Variants in UBXN2A observed in about 807,000 individuals in gnomAD.
UBXN2A encodes the protein UBX domain protein 2A.
Under a neutral mutation model 28.4 loss-of-function variants are expected in UBXN2A, and 28 were observed. The ratio of observed to expected loss-of-function variants is 0.99; its 90% CI spans 0.73 to 1.35. The LOEUF is 1.35. UBXN2A is among the 40% of genes most tolerant of loss of function. UBXN2A has a pLI of 0.00. For synonymous variants in UBXN2A, 97 were observed against 103.6 expected, an observed-to-expected ratio of 0.94 and a Z score of 0.39; for missense variants, 253 against 297.9, an observed-to-expected ratio of 0.85 and a Z score of 1.11.
intron 1 of UBXN2A, chr2:23,944,288 A>G (rs1346734446): frequency 1.2e-6 from 2 of 1,605,062 alleles, no homozygotes; most frequent in African/African-American, 2.7e-5. Flanking sequence ...TTCCCCAGCT[A>G]TACCAGTCTG....
Position 23,999,938 on chromosome 2 carries a change from G to A in UBXN2A, c.*71G>A. ...AAGTGGACATGCAAACCAAAATTGG[G>A]GATTGGAGAAGTCAGACTCACTAGA... On this transcript the variant is annotated 3_prime_UTR_variant, in exon 7 of 7. Transcript: ENST00000309033. 1 of 1,513,560 alleles carries A rather than the reference G, an allele frequency of 6.6e-7. No individual in the cohort carries two copies. The allele number at this position is 1,513,560 out of a possible 1,614,324, so 93.8% of individuals were successfully genotyped here. A position where few individuals can be genotyped will look rare whatever the true frequency, so the allele number is the denominator to read the frequency against.
At chr2:23,999,409 C>T (rs184524551) in intron 6 of UBXN2A, among the ~76,000 whole-genome samples, 167 of 152,192 alleles carry the variant, frequency 1.1e-3, no homozygotes, top group Admixed American at 3.6e-3. Context: ...ATCATAAATT[C>T]AGTTATTCTA....
At chr2:23,992,661 T>TTA (rs1708395723) in intron 6 of UBXN2A, among the ~76,000 whole-genome samples, 3 of 152,224 alleles carry the variant, frequency 2.0e-5, no homozygotes, top group Non-Finnish European at 1.5e-5. Context: ...GTGCCATATT[T>TTA]TAGGGTAGCA....
At chr2:23,986,946 T>C (rs1394094158) in intron 6 of UBXN2A, among the ~76,000 whole-genome samples, 1 of 151,936 alleles carries the variant, frequency 6.6e-6, no homozygotes, top group African/African-American at 2.4e-5. Flanking sequence ...TCGTGGCTCA[T>C]TCTTGTAGTC....
chr2:23,980,464 T>A (rs577144561), intron 4 of UBXN2A, among the ~76,000 whole-genome samples: 1 of 152,316 alleles, frequency 6.6e-6, no homozygotes, highest in Admixed American at 6.5e-5. Context: ...TTTTTTAAAT[T>A]ATAGCCATTT....
At chr2:23,958,221 T>C (rs1426056388) in intron 1 of UBXN2A, 80 bp from the exon 2 acceptor site, 20 of 1,067,356 alleles carry the variant, frequency 1.9e-5, no homozygotes, top group Non-Finnish European at 2.5e-5. Flanking sequence ...TTTTAAGTAA[T>C]ACTTTAGGAC....
intron 4 of UBXN2A, 108 bp from the exon 5 acceptor site, chr2:23,982,786 TTA>T (rs1320975703): frequency 1.1e-5 from 13 of 1,136,380 alleles, no homozygotes; most frequent in African/African-American, 1.6e-5. Flanking sequence ...GTATAGAATA[TTA>T]TATATTTCTG....
rs538579457 is a variant in UBXN2A at position 23,927,834 on chromosome 2, A to G, written c.-138+219A>G. ...TGAACCCACAGATAAAGCATTTGCA[A>G]TTTAACTTCCAAAGAAAAAAAAATT... On this transcript the variant is annotated intron_variant, in intron 1 of 7. Coordinates refer to the UBXN2A transcript ENST00000404924. Among the ~76,000 whole-genome samples the G allele has an allele frequency of 2.6e-5, 4 of 152,310 alleles. No homozygotes were observed. The East Asian group carries it at 5.8e-4, about 22-fold the overall frequency.
At chr2:23,944,708 G>A (rs972842039) in intron 1 of UBXN2A, among the ~76,000 whole-genome samples, 6 of 152,156 alleles carry the variant, frequency 3.9e-5, no homozygotes, top group Admixed American at 2.0e-4. Context: ...CCAGCTCTGT[G>A]GCTTCTGCCC....
intron 6 of UBXN2A, among the ~76,000 whole-genome samples, chr2:23,985,587 A>G (rs1194161378): frequency 7.0e-6 from 1 of 143,816 alleles, no homozygotes; most frequent in Non-Finnish European, 1.5e-5. Flanking sequence ...CTCTAAACAT[A>G]ATTATGTCTA....
chr2:23,995,139 C>T (rs1708480661), intron 6 of UBXN2A, among the ~76,000 whole-genome samples: 2 of 152,076 alleles, frequency 1.3e-5, no homozygotes, highest in South Asian at 2.1e-4. Flanking sequence ...GGTCACGTTT[C>T]TTTATGGGTC....
At chr2:23,933,132 A>G (rs1228360819) in intron 1 of UBXN2A, among the ~76,000 whole-genome samples, 1 of 152,036 alleles carries the variant, frequency 6.6e-6, no homozygotes, top group African/African-American at 2.4e-5. Flanking sequence ...TTAAATTAAA[A>G]AATAAAGGAG....
intron 1 of UBXN2A, among the ~76,000 whole-genome samples, chr2:23,929,867 C>T (rs904678924): frequency 1.3e-5 from 2 of 152,070 alleles, no homozygotes; most frequent in Non-Finnish European, 2.9e-5. Flanking sequence ...ATAACCTATA[C>T]CATTTACTAT....
intron 1 of UBXN2A, chr2:23,943,740 C>T (rs1364890762): frequency 1.0e-5 from 2 of 199,770 alleles, no homozygotes; most frequent in Non-Finnish European, 2.1e-5. Flanking sequence ...ATCTGCCCGT[C>T]TTGGCCTCCC....
At chr2:23,988,398 G>A (rs373067221) in intron 6 of UBXN2A, among the ~76,000 whole-genome samples, 23 of 152,224 alleles carry the variant, frequency 1.5e-4, no homozygotes, top group East Asian at 1.2e-3. Flanking sequence ...CTTAGTTGTC[G>A]TATCTCAGTT....
chr2:23,999,738 G>A lies in UBXN2A; in HGVS notation c.651G>A (p.Leu217=). The A allele has an allele frequency of 6.2e-7, 1 of 1,614,088 alleles. No individual in the cohort carries two copies. Among genetic ancestry groups the A allele is most frequent in the Non-Finnish European group, 8.5e-7 (1 of 1,180,034 alleles). The change falls in exon 7 of 7, where the codon CTG becomes CTA. Residue 217 remains leucine, a synonymous_variant. Coordinates refer to ENST00000309033, the MANE Select transcript of UBXN2A (RefSeq NM_181713.4). ...CTCAAAGAAGTCCTCCGTTTTCCCT[G>A]GCAACAGCTCTTCCTGTCCTCAGGT... ...QGSQRSPPFS[L]ATALPVLRLL...
chr2:23,946,887 A>ATTT (rs34433205), intron 1 of UBXN2A, among the ~76,000 whole-genome samples: 2 of 131,678 alleles, frequency 1.5e-5, no homozygotes, highest in Non-Finnish European at 1.6e-5. Flanking sequence ...CAATTTATTA[A>ATTT]TTTTTTTTTT....
At chr2:23,976,181 A>G (rs375150776) in intron 3 of UBXN2A, among the ~76,000 whole-genome samples, 1 of 152,176 alleles carries the variant, frequency 6.6e-6, no homozygotes, top group Non-Finnish European at 1.5e-5. Context: ...TTATATCTGT[A>G]AAAGTGTAAA....
intron 1 of UBXN2A, among the ~76,000 whole-genome samples, chr2:23,941,408 A>C (rs1705750473): frequency 6.6e-6 from 1 of 152,208 alleles, no homozygotes; most frequent in Admixed American, 6.6e-5. Flanking sequence ...AAAGGCAATT[A>C]AATTCAGTGA....
Sources: allele counts gnomAD v4.1 joint callset (sites outside exome capture counted in the v4.1 genomes callset), GRCh38; gene constraint gnomAD v4.1.1; transcripts MANE v1.5; gene names NCBI Gene and HGNC (gene_info 2026-07-23, HGNC 2026-07-21).